SMOC1: variants seen among roughly 807,000 people sequenced by gnomAD.
SMOC1 encodes the protein SPARC-related modular calcium-binding protein 1.
Under a neutral mutation model 56.3 loss-of-function variants are expected in SMOC1, and 22 were observed. The ratio of observed to expected loss-of-function variants is 0.39; its 90% CI spans 0.28 to 0.56. The LOEUF is 0.56. Ranked by LOEUF, SMOC1 falls within the 20% of genes least tolerant of loss-of-function variation. The pLI is 0.61. For missense variants in SMOC1, 509 were observed against 565.4 expected, an observed-to-expected ratio of 0.90 and a Z score of 1.01; for synonymous variants, 193 against 215.0, an observed-to-expected ratio of 0.90 and a Z score of 0.89.
Position 69,879,441 on chromosome 14 carries a change from G to T in SMOC1, c.-238G>T. ...AGGCGTCCAACCTGCTGCCGCCTGG[G>T]CCCCGCCGAGCGGAGCTAGCGCCGC... On this transcript the variant is annotated 5_prime_UTR_variant, in exon 1 of 12. Transcript: ENST00000361956. 1 of 383,566 alleles carries T rather than the reference G, an allele frequency of 2.6e-6. No individual in the cohort carries two copies. Among genetic ancestry groups the T allele is most frequent in the East Asian group, 4.2e-5 (1 of 23,848 alleles). 23.8% of individuals were successfully genotyped at this position (383,566 alleles called of 1,614,324 possible). A position where few individuals can be genotyped will look rare whatever the true frequency, so the allele number is the denominator to read the frequency against.
chr14:69,889,373 C>A (rs1883898715), intron 1 of SMOC1, among the ~76,000 whole-genome samples: 1 of 152,190 alleles, frequency 6.6e-6, no homozygotes, highest in South Asian at 2.1e-4. Context: ...CTCTCAGCTT[C>A]CTTTAAGCAA....
At chr14:69,890,427 G>A (rs1195362009) in intron 1 of SMOC1, among the ~76,000 whole-genome samples, 1 of 152,194 alleles carries the variant, frequency 6.6e-6, no homozygotes, top group Non-Finnish European at 1.5e-5. Context: ...TCATGCTGTT[G>A]GTGGTGGTGA....
intron 1 of SMOC1, among the ~76,000 whole-genome samples, chr14:69,943,949 G>A (rs1210848536): frequency 6.6e-6 from 1 of 152,246 alleles, no homozygotes; most frequent in Non-Finnish European, 1.5e-5. Flanking sequence ...CATTGAGGAA[G>A]GCAGTGTGGT....
intron 11 of SMOC1, among the ~76,000 whole-genome samples, chr14:70,026,231 A>C (rs1192874523): frequency 6.6e-6 from 1 of 152,218 alleles, no homozygotes; most frequent in Non-Finnish European, 1.5e-5. Context: ...GAGACCATCC[A>C]GTGTCAATGT....
chr14:69,930,222 A>AGCACCCTTCCCACTCCCCTGACC (rs1885129605), intron 1 of SMOC1, among the ~76,000 whole-genome samples: 1 of 151,742 alleles, frequency 6.6e-6, no homozygotes, highest in African/African-American at 2.4e-5. Context: ...CCCCCCTGAC[A>AGCACCCTTCCCACTCCCCTGACC]GCACCCTTCC....
In SMOC1 at chr14:69,899,007, G is replaced by C. The variant is rs536410571; in HGVS notation, c.99+19230G>C. 2.6e-5 allele frequency among the ~76,000 whole-genome samples: 4 copies of C among 152,120 alleles called. No homozygotes were observed. In the East Asian group the frequency reaches 5.8e-4, roughly 22 times the overall value. On this transcript the variant is annotated intron_variant, in intron 1 of 11. Coordinates refer to ENST00000361956, the MANE Select transcript of SMOC1 (RefSeq NM_001034852.3). ...GTTTTTTGGTGAGCCTGTGCCCTTG[G>C]GCTGTGAACTTCGTAAGTGCTTCTC...
intron 1 of SMOC1, chr14:69,885,380 T>C: frequency 6.3e-7 from 1 of 1,598,878 alleles, no homozygotes; most frequent in African/African-American, 1.3e-5. Context: ...CTTTGCCTTT[T>C]TGCGCTTGGC....
chr14:69,901,195 A>G (rs1884232922), intron 1 of SMOC1, among the ~76,000 whole-genome samples: 1 of 152,210 alleles, frequency 6.6e-6, no homozygotes, highest in Admixed American at 6.5e-5. Flanking sequence ...TAAATTAGTA[A>G]TAGTCCATGA....
Position 69,936,175 on chromosome 14 carries a change from G to GCCCA in SMOC1, c.100-15962_100-15959dup, listed in dbSNP as rs150692794. Among the ~76,000 whole-genome samples the GCCCA allele has an allele frequency of 7.9e-3, 1,197 of 152,240 alleles. 8 individuals carry two copies. The highest frequency in any genetic ancestry group is 0.013 in the Non-Finnish European group (864 of 68,018). ...CCGTTTGTCACCTTCTAGTCTAAGG[G>GCCCA]CCCATACAGGTTACATGTGTGCCCT... On this transcript the variant is annotated intron_variant, in intron 1 of 11. Coordinates refer to ENST00000361956, the MANE Select transcript of SMOC1 (RefSeq NM_001034852.3).
chr14:69,959,991 C>G (rs1423550982), intron 3 of SMOC1, among the ~76,000 whole-genome samples: 2 of 152,176 alleles, frequency 1.3e-5, no homozygotes, highest in Non-Finnish European at 2.9e-5. Flanking sequence ...CCTGACGTCA[C>G]CCCTGTAGAC....
intron 5 of SMOC1, among the ~76,000 whole-genome samples, chr14:69,985,789 C>T (rs1566699933): frequency 6.6e-6 from 1 of 151,880 alleles, no homozygotes. Context: ...AGGATGAATA[C>T]AGTACAATCA....
chr14:69,890,478 C>T (rs1406085168), intron 1 of SMOC1, among the ~76,000 whole-genome samples: 1 of 152,112 alleles, frequency 6.6e-6, no homozygotes, highest in Admixed American at 6.6e-5. Flanking sequence ...ATTTTGGTAA[C>T]TATTAACACA....
chr14:69,963,218 G>A lies in SMOC1; in HGVS notation c.378+9686G>A, dbSNP rs79746630. ...GGGGTTAATGCTGGCTCCACTCACCGAGGCAGAGCATCTAGTAGGGGGAAT... is the reference window on the plus strand; with the variant it reads ...GGGGTTAATGCTGGCTCCACTCACCAAGGCAGAGCATCTAGTAGGGGGAAT... On this transcript the variant is annotated intron_variant, in intron 3 of 11. Coordinates refer to ENST00000361956, the MANE Select transcript of SMOC1 (RefSeq NM_001034852.3). Among the ~76,000 whole-genome samples the A allele has an allele frequency of 1.4e-3, 215 of 152,212 alleles. 2 individuals are homozygous for A. The highest frequency in any genetic ancestry group is 4.9e-3 in the African/African-American group (203 of 41,542).
At chr14:69,941,332 G>T (rs1882553900) in intron 1 of SMOC1, among the ~76,000 whole-genome samples, 1 of 152,218 alleles carries the variant, frequency 6.6e-6, no homozygotes, top group African/African-American at 2.4e-5. Context: ...CCTCTCAGGA[G>T]GAGGCAGCGT....
intron 1 of SMOC1, among the ~76,000 whole-genome samples, chr14:69,928,033 T>C (rs1004969683): frequency 1.3e-5 from 2 of 152,158 alleles, no homozygotes; most frequent in African/African-American, 4.8e-5. Flanking sequence ...CTGGGCACGA[T>C]GCAGTGCGAT....
intron 1 of SMOC1, among the ~76,000 whole-genome samples, chr14:69,941,301 CT>C (rs1882551956): frequency 6.6e-6 from 1 of 152,190 alleles, no homozygotes; most frequent in Non-Finnish European, 1.5e-5. Flanking sequence ...GGCGCATTTG[CT>C]TTTCAGCCTG....
At chr14:70,030,137 T>C in intron 11 of SMOC1, 105 bp from the exon 12 acceptor site, 3 of 1,548,414 alleles carry the variant, frequency 1.9e-6, no homozygotes, top group African/African-American at 1.4e-5. Context: ...TGTGGGGAAA[T>C]TGATGGACAT....
At chr14:69,946,252 C>T (rs1194050850) in intron 1 of SMOC1, among the ~76,000 whole-genome samples, 1 of 152,174 alleles carries the variant, frequency 6.6e-6, no homozygotes, top group African/African-American at 2.4e-5. Flanking sequence ...ATTTCATCTA[C>T]CCTGATCTCC....
Position 69,886,054 on chromosome 14 carries a change from A to G in SMOC1, c.99+6277A>G, listed in dbSNP as rs574369709. On this transcript the variant is annotated intron_variant, in intron 1 of 11. Coordinates refer to ENST00000361956, the MANE Select transcript of SMOC1 (RefSeq NM_001034852.3). ...TCTTAGGCCTTTTCTCAAACAGGGG[A>G]TTCACCACTTTCTTAGCCTCCTGCT... 71 of 1,584,266 alleles carry G rather than the reference A, an allele frequency of 4.5e-5. No individual in the cohort carries two copies. In the African/African-American group the frequency reaches 9.1e-4, roughly 20 times the overall value.
Sources: allele counts gnomAD v4.1 joint callset (sites outside exome capture counted in the v4.1 genomes callset), GRCh38; gene constraint gnomAD v4.1.1; transcripts MANE v1.5; gene names NCBI Gene and HGNC (gene_info 2026-07-23, HGNC 2026-07-21).